PCDHA5: variants seen among roughly 807,000 people sequenced by gnomAD.
PCDHA5 encodes protocadherin alpha 5, also known as protocadherin alpha-5.
PCDHA5 carries 43 observed loss-of-function variants against 61.6 expected under a neutral mutation model. The observed-to-expected ratio is 0.70, with a 90% CI of 0.55 to 0.90. The LOEUF is 0.90. Ranked by LOEUF, PCDHA5 falls within the 40% of genes least tolerant of loss-of-function variation. The pLI, the probability that PCDHA5 is intolerant of heterozygous loss-of-function variation, is 0.00. For missense variants in PCDHA5, 1,298 were observed against 1,222.7 expected (o/e 1.06, Z -0.92); for synonymous variants, 627 against 543.9 (o/e 1.15, Z -2.13).
At chr5:140,983,437 A>C (rs1046174445) in intron 3 of PCDHA5, among the ~76,000 whole-genome samples, 1 of 152,202 alleles carries the variant, frequency 6.6e-6, no homozygotes, top group African/African-American at 2.4e-5. Flanking sequence ...AATTGTGTCT[A>C]CTCTAATCCT....
intron 1 of PCDHA5, among the ~76,000 whole-genome samples, chr5:140,932,118 A>C (rs2088050775): frequency 6.6e-6 from 1 of 151,946 alleles, no homozygotes; most frequent in African/African-American, 2.4e-5. Flanking sequence ...CCAATTGATA[A>C]TATTTAAGAT....
intron 1 of PCDHA5, among the ~76,000 whole-genome samples, chr5:140,911,380 T>C (rs1365945638): frequency 4.6e-5 from 7 of 152,212 alleles, no homozygotes; most frequent in African/African-American, 1.7e-4. Flanking sequence ...AGGCTGTGCA[T>C]GCACCTTTCA....
At chr5:140,830,180 A>G (rs1770875458) in intron 1 of PCDHA5, 1 of 1,613,474 alleles carries the variant, frequency 6.2e-7, no homozygotes, top group South Asian at 1.1e-5. Flanking sequence ...GGTGGATGTC[A>G]ACGTGTACCT....
intron 1 of PCDHA5, chr5:140,968,014 A>G: frequency 6.2e-7 from 1 of 1,614,194 alleles, no homozygotes; most frequent in Non-Finnish European, 8.5e-7. Flanking sequence ...ATGGCTTTGG[A>G]AACTCCTATA....
chr5:141,003,741 A>G (rs1291595687), intron 3 of PCDHA5, among the ~76,000 whole-genome samples: 5 of 152,180 alleles, frequency 3.3e-5, no homozygotes, highest in South Asian at 2.1e-4. Flanking sequence ...AAGCAAAACC[A>G]TATTTTGTAT....
intron 1 of PCDHA5, among the ~76,000 whole-genome samples, chr5:140,896,543 T>C (rs2065615880): frequency 6.6e-6 from 1 of 151,466 alleles, no homozygotes; most frequent in Non-Finnish European, 1.5e-5. Flanking sequence ...TTTCTTTTTT[T>C]TTTTTGTATT....
At chr5:140,899,251 G>A (rs1322090098) in intron 1 of PCDHA5, among the ~76,000 whole-genome samples, 1 of 152,082 alleles carries the variant, frequency 6.6e-6, no homozygotes, top group Non-Finnish European at 1.5e-5. Flanking sequence ...GTGAGAGAGG[G>A]CATCCCTGTC....
chr5:140,956,259 A>G (rs534711265), intron 1 of PCDHA5, among the ~76,000 whole-genome samples: 1 of 152,252 alleles, frequency 6.6e-6, no homozygotes, highest in African/African-American at 2.4e-5. Flanking sequence ...GGTTTTGCCC[A>G]TTCAGTGTGG....
At position 140,850,022 on chromosome 5, in the gene PCDHA5, A is replaced by G. The variant is rs201141536; in HGVS notation, c.2352+25895A>G. The stretch of plus-strand genomic sequence containing the variant: ...AGCGCTCGCTGTCGAGCTACGTGTC[A>G]GTGCACGCGGAGAGCGGCAAGGTGT... On this transcript the variant is annotated intron_variant, in intron 1 of 3. Transcript: ENST00000529859. 38 of 1,596,678 alleles carry G rather than the reference A, an allele frequency of 2.4e-5. 5 individuals are homozygous for G. The highest frequency in any genetic ancestry group is 7.7e-5 in the South Asian group (7 of 90,486).
rs376600715 is a variant in PCDHA5, at chr5:140,871,207, G to A, written c.2352+47080G>A. The stretch of plus-strand genomic sequence containing the variant: ...GGATGTCAACGTGTACCTGATCATC[G>A]CCATCTGCGTGGTGTCCAGCCTCCT... On this transcript the variant is annotated intron_variant, in intron 1 of 3. Transcript: ENST00000529859. 2.2e-5 allele frequency: 36 copies of A among 1,613,642 alleles called. No individual in the cohort carries two copies. The African/African-American group carries it at 4.0e-4, about 18-fold the overall frequency.
At chr5:140,837,369 AT>A (rs1376058835) in intron 1 of PCDHA5, among the ~76,000 whole-genome samples, 1 of 151,978 alleles carries the variant, frequency 6.6e-6, no homozygotes, top group Non-Finnish European at 1.5e-5. Context: ...GTTTAATAGT[AT>A]TTTTTATTTT....
chr5:140,867,666 C>T (rs2050094280), intron 1 of PCDHA5: 1 of 152,038 alleles, frequency 6.6e-6, no homozygotes, highest in Non-Finnish European at 1.5e-5. Context: ...ACTTTCTACT[C>T]TAAAATTTTG....
chr5:140,944,608 G>A (rs2093673405), intron 1 of PCDHA5, among the ~76,000 whole-genome samples: 1 of 152,176 alleles, frequency 6.6e-6, no homozygotes, highest in Non-Finnish European at 1.5e-5. Flanking sequence ...AGAGTAGTGT[G>A]CTGTAGAAGT....
At chr5:140,871,429 C>T in intron 1 of PCDHA5, 1 of 1,613,216 alleles carries the variant, frequency 6.2e-7, no homozygotes, top group Admixed American at 1.7e-5. Context: ...CCCCAGTCTT[C>T]CTCTAGGTCT....
At chr5:140,900,280 T>G (rs549563825) in intron 1 of PCDHA5, among the ~76,000 whole-genome samples, 1 of 152,182 alleles carries the variant, frequency 6.6e-6, no homozygotes, top group Admixed American at 6.5e-5. Flanking sequence ...TGTACCACAC[T>G]TTCTTTTCTG....
intron 1 of PCDHA5, chr5:140,884,079 A>T (rs2059982825): frequency 3.1e-6 from 5 of 1,613,504 alleles, no homozygotes; most frequent in Non-Finnish European, 4.2e-6. Context: ...TCGGGCTACA[A>T]TGCGTGGCTT....
rs1769607526 is a variant in PCDHA5 at position 140,828,202 on chromosome 5, G to T, written c.2352+4075G>T. On this transcript the variant is annotated intron_variant, in intron 1 of 3. Transcript: ENST00000529859. ...GCCAGCTCCACTACTCCGTACCCGA[G>T]GAGGCCAAACACGGCACCTTCGTGG... is the stretch of plus-strand genomic sequence containing the variant. The T allele has an allele frequency of 2.5e-6, 4 of 1,614,084 alleles. No homozygotes were observed. In the African/African-American group the frequency reaches 4.0e-5, roughly 16 times the overall value.
intron 1 of PCDHA5, chr5:140,884,609 G>T: frequency 6.2e-7 from 1 of 1,614,138 alleles, no homozygotes; most frequent in Non-Finnish European, 8.5e-7. Context: ...TCCTTGTCTG[G>T]GTTCTGCAGA....
Position 140,877,064 on chromosome 5 carries a change from T to C in PCDHA5, c.2352+52937T>C, listed in dbSNP as rs2056824961. On this transcript the variant is annotated intron_variant, in intron 1 of 3. Coordinates refer to ENST00000529859, the MANE Select transcript of PCDHA5 (RefSeq NM_018908.3). ...CTAGACCACGAGGAGCTGGAGCTGC[T>C]GCAGTTCCAGGTGAGCGCGCGCGAC... is the stretch of plus-strand genomic sequence containing the variant. The C allele has an allele frequency of 6.2e-7, 1 of 1,612,896 alleles. No homozygotes were observed. Among genetic ancestry groups the C allele is most frequent in the Non-Finnish European group, 8.5e-7 (1 of 1,179,856 alleles).
Sources: gnomAD v4.1 joint callset for allele counts (sites outside exome capture counted in the v4.1 genomes callset) on GRCh38, gnomAD v4.1.1 for gene constraint, MANE v1.5 for transcripts, NCBI Gene and HGNC (gene_info 2026-07-23, HGNC 2026-07-21) for gene names.